KCNH1: variants seen among roughly 807,000 people sequenced by gnomAD.
KCNH1 encodes the protein potassium voltage-gated channel subfamily H member 1.
A neutral mutation model predicts 69.2 loss-of-function variants in KCNH1; 27 were observed. That is an observed-to-expected ratio of 0.39 (90% CI 0.29 to 0.54). KCNH1 has a LOEUF of 0.54. Ranked by LOEUF, KCNH1 falls within the 20% of genes least tolerant of loss-of-function variation. The pLI is 0.68. For synonymous variants in KCNH1, 456 were observed against 487.7 expected (o/e 0.93, Z 0.86); for missense variants, 798 against 1,261.6 (o/e 0.63, Z 5.57).
chr1:211,014,212 G>T (rs973329859), intron 6 of KCNH1, among the ~76,000 whole-genome samples: 1 of 152,134 alleles, frequency 6.6e-6, no homozygotes. Context: ...TCGGGAGAGT[G>T]AATCTGTTTT....
intron 10 of KCNH1, among the ~76,000 whole-genome samples, chr1:210,770,558 T>A (rs1001531426): frequency 1.3e-5 from 2 of 152,368 alleles, no homozygotes; most frequent in East Asian, 3.9e-4. Context: ...ACTAATAGCA[T>A]GGCCGGGTTA....
intron 6 of KCNH1, among the ~76,000 whole-genome samples, chr1:210,976,446 A>G (rs372653650): frequency 1.3e-4 from 20 of 148,704 alleles, no homozygotes; most frequent in African/African-American, 4.9e-4. Context: ...TAAAAAGTCA[A>G]GAAACAACAG....
At chr1:210,888,333 A>G (rs1686665807) in intron 7 of KCNH1, among the ~76,000 whole-genome samples, 1 of 152,204 alleles carries the variant, frequency 6.6e-6, no homozygotes, top group Admixed American at 6.5e-5. Context: ...AAATTAAGGC[A>G]GAAATAAATA....
intron 10 of KCNH1, among the ~76,000 whole-genome samples, chr1:210,692,632 C>T (rs1681550000): frequency 6.6e-6 from 1 of 152,100 alleles, no homozygotes; most frequent in African/African-American, 2.4e-5. Context: ...TTAGAGTGGG[C>T]TCTAGACCAG....
intron 5 of KCNH1, among the ~76,000 whole-genome samples, chr1:211,079,200 TA>T (rs1479387169): frequency 2.6e-5 from 4 of 152,020 alleles, no homozygotes; most frequent in African/African-American, 9.7e-5. Context: ...TCTATGCAAA[TA>T]AACTAGAAAA....
rs199727493 is a variant in KCNH1, at chr1:210,740,704, A to ATTTT, written c.2112+34640_2112+34643dup. On this transcript the variant is annotated intron_variant, in intron 10 of 10. Transcript: ENST00000271751. ...GTCTCTGATTAAATTTTATGATTAA[A>ATTTT]TTTTTTTTTTTTTTTTTTTTTTTTT... Among the ~76,000 whole-genome samples the ATTTT allele has an allele frequency of 1.2e-3, 139 of 117,240 alleles. 2 individuals carry two copies. Among genetic ancestry groups the ATTTT allele is most frequent in the African/African-American group, 4.5e-3 (134 of 29,578 alleles). The allele number at this position is 117,240 out of a possible 152,430, so 76.9% of individuals were successfully genotyped here.
At chr1:210,867,319 AT>A (rs1686133846) in intron 7 of KCNH1, among the ~76,000 whole-genome samples, 1 of 145,868 alleles carries the variant, frequency 6.9e-6, no homozygotes, top group African/African-American at 2.5e-5. Context: ...ATAGAATTAT[AT>A]GTATATGTTT....
intron 10 of KCNH1, among the ~76,000 whole-genome samples, chr1:210,732,455 A>G (rs1276947346): frequency 6.6e-6 from 1 of 152,144 alleles, no homozygotes; most frequent in African/African-American, 2.4e-5. Flanking sequence ...TCTAGCAGAC[A>G]TCCTTGCTTT....
chr1:210,944,026 G>A (rs1687917158), intron 6 of KCNH1, among the ~76,000 whole-genome samples: 1 of 152,132 alleles, frequency 6.6e-6, no homozygotes, highest in African/African-American at 2.4e-5. Flanking sequence ...AACAAAGTAG[G>A]CACTAAAAGA....
At chr1:210,787,229 A>G (rs1043072245) in intron 9 of KCNH1, among the ~76,000 whole-genome samples, 1 of 149,528 alleles carries the variant, frequency 6.7e-6, no homozygotes, top group Admixed American at 6.7e-5. Context: ...TGGAACACTT[A>G]CTCTCTAATC....
At chr1:210,903,293 C>A (rs539959378) in intron 7 of KCNH1, among the ~76,000 whole-genome samples, 1 of 152,304 alleles carries the variant, frequency 6.6e-6, no homozygotes, top group African/African-American at 2.4e-5. Context: ...TCTTAGACTG[C>A]TGCCTCTGGA....
At chr1:211,093,861 C>T (rs1324463340) in intron 3 of KCNH1, among the ~76,000 whole-genome samples, 2 of 152,150 alleles carry the variant, frequency 1.3e-5, no homozygotes, top group South Asian at 4.1e-4. Context: ...CCCTTCTCTG[C>T]TTTGCTCCCC....
intron 5 of KCNH1, among the ~76,000 whole-genome samples, chr1:211,054,098 C>T (rs1039039086): frequency 6.6e-6 from 1 of 151,012 alleles, no homozygotes; most frequent in African/African-American, 2.4e-5. Context: ...GGTGAAACCC[C>T]ACCTCTACTA....
intron 10 of KCNH1, among the ~76,000 whole-genome samples, chr1:210,718,403 G>A (rs9429844): frequency 2.8e-4 from 14 of 49,350 alleles, no homozygotes; most frequent in African/African-American, 6.8e-4. Context: ...TAAAATATAT[G>A]CATATATGTA....
At chr1:211,023,246 A>G (rs1167311687) in intron 5 of KCNH1, among the ~76,000 whole-genome samples, 1 of 151,856 alleles carries the variant, frequency 6.6e-6, no homozygotes, top group Non-Finnish European at 1.5e-5. Context: ...CAGTTATGCA[A>G]AACATATTGA....
intron 5 of KCNH1, among the ~76,000 whole-genome samples, chr1:211,045,315 T>C (rs906599682): frequency 6.6e-6 from 1 of 151,696 alleles, no homozygotes. Flanking sequence ...TTGGGTCCAG[T>C]GTATACTGCT....
chr1:210,978,340 C>A (rs1449453562), intron 6 of KCNH1, among the ~76,000 whole-genome samples: 2 of 152,046 alleles, frequency 1.3e-5, no homozygotes, highest in Non-Finnish European at 2.9e-5. Flanking sequence ...GCCCGGCCTC[C>A]TTTAATTCTT....
rs146083228 is a variant in KCNH1 at position 210,910,580 on chromosome 1, C to A, written c.1462+9060G>T. 1.7e-3 allele frequency among the ~76,000 whole-genome samples: 257 copies of A among 152,358 alleles called. 1 individual carries two copies. Among genetic ancestry groups the A allele is most frequent in the African/African-American group, 5.9e-3 (247 of 41,588 alleles). ...GCTGTCAGTGACTAGGGTGGCAACA[C>A]AGACTGGTGGAAAGACAATGAGATT... On this transcript the variant is annotated intron_variant, in intron 7 of 10. Coordinates refer to ENST00000271751, the MANE Select transcript of KCNH1 (RefSeq NM_172362.3).
intron 7 of KCNH1, among the ~76,000 whole-genome samples, chr1:210,894,268 T>G (rs1398159533): frequency 5.3e-5 from 8 of 152,174 alleles, no homozygotes; most frequent in African/African-American, 1.9e-4. Context: ...CCTTTAAGAT[T>G]TGTTAAGTGG....
Sources: allele counts gnomAD v4.1 joint callset (sites outside exome capture counted in the v4.1 genomes callset), GRCh38; gene constraint gnomAD v4.1.1; transcripts MANE v1.5; gene names NCBI Gene and HGNC (gene_info 2026-07-23, HGNC 2026-07-21).